HNMT: variants seen among roughly 807,000 people sequenced by gnomAD.
HNMT encodes the protein histamine N-methyltransferase.
Under a neutral mutation model 32.1 loss-of-function variants are expected in HNMT, and 30 were observed. The ratio of observed to expected loss-of-function variants is 0.93; its 90% confidence interval spans 0.70 to 1.27. The LOEUF (loss-of-function observed/expected upper bound fraction) is 1.27, where lower values mean the gene tolerates loss of function less well. Ranked by LOEUF, HNMT falls within the 50% of genes most tolerant of loss-of-function variation. The probability of loss-of-function intolerance (pLI) is 0.00; values close to 1 mark genes in which losing one functional copy is unlikely to be tolerated. For synonymous variants in HNMT, 125 were observed against 119.0 expected (o/e 1.05, Z -0.33); for missense variants, 327 against 346.0 (o/e 0.95, Z 0.43).
At chr2:138,001,157 T>TC in intron 3 of HNMT, 132 bp downstream of exon 3, 1 of 511,910 alleles carries the variant, frequency 2.0e-6, no homozygotes, top group Non-Finnish European at 3.5e-6. Context: ...AGAACTGAAT[T>TC]AGTTCTTGGC....
intron 2 of HNMT, among the ~76,000 whole-genome samples, chr2:137,983,185 C>T (rs1680554957): frequency 2.0e-5 from 3 of 152,126 alleles, no homozygotes. Flanking sequence ...AGACAGTTAA[C>T]AGTAGAATAC....
At chr2:137,974,793 G>A (rs1353273951) in intron 2 of HNMT, among the ~76,000 whole-genome samples, 1 of 152,084 alleles carries the variant, frequency 6.6e-6, no homozygotes, top group South Asian at 2.1e-4. Context: ...TACATTTATA[G>A]ATAAATTTTT....
chr2:138,005,377 G>T (rs1408257353), intron 5 of HNMT, 152 bp downstream of exon 5: 1 of 593,298 alleles, frequency 1.7e-6, no homozygotes, highest in Non-Finnish European at 3.0e-6. Flanking sequence ...CACAGTATTA[G>T]GGAAGTCATT....
intron 5 of HNMT, among the ~76,000 whole-genome samples, chr2:138,012,080 T>C (rs13422514): frequency 6.2e-4 from 95 of 152,278 alleles, no homozygotes; most frequent in African/African-American, 2.3e-3. Flanking sequence ...GCAGGCTTGC[T>C]TTTTTAGTCT....
intron 2 of HNMT, among the ~76,000 whole-genome samples, chr2:137,975,971 T>G (rs908709204): frequency 1.3e-5 from 2 of 152,152 alleles, no homozygotes; most frequent in Non-Finnish European, 2.9e-5. Context: ...CTTGGCTCAG[T>G]GTAAGAGCCT....
At chr2:137,984,697 T>A (rs561202930) in intron 2 of HNMT, among the ~76,000 whole-genome samples, 2 of 152,222 alleles carry the variant, frequency 1.3e-5, no homozygotes, top group Non-Finnish European at 2.9e-5. Context: ...TTTGAGGTAA[T>A]TAACTATATT....
intron 2 of HNMT, among the ~76,000 whole-genome samples, chr2:137,983,121 T>C (rs779077059): frequency 1.3e-5 from 2 of 152,192 alleles, no homozygotes; most frequent in Non-Finnish European, 2.9e-5. Context: ...TTGCTCATTA[T>C]AGAGAAAGTT....
chr2:138,010,766 G>T (rs572264731), intron 5 of HNMT, among the ~76,000 whole-genome samples: 21 of 152,036 alleles, frequency 1.4e-4, no homozygotes, highest in African/African-American at 4.6e-4. Flanking sequence ...AAAAAGAAGA[G>T]ATATAAGAAC....
chr2:137,999,922 A>T (rs1051182542), intron 2 of HNMT, among the ~76,000 whole-genome samples: 10 of 151,848 alleles, frequency 6.6e-5, no homozygotes, highest in Non-Finnish European at 2.9e-5. Context: ...TTCTAATAAA[A>T]AAAAAAAAGA....
intron 4 of HNMT, among the ~76,000 whole-genome samples, chr2:138,004,754 T>C (rs374363489): frequency 2.0e-5 from 3 of 152,202 alleles, no homozygotes; most frequent in East Asian, 3.9e-4. Context: ...GGTCTGTTTT[T>C]ATGGTGCCAG....
chr2:137,986,430 G>T (rs1385445496), intron 2 of HNMT, among the ~76,000 whole-genome samples: 2 of 152,074 alleles, frequency 1.3e-5, no homozygotes, highest in Non-Finnish European at 2.9e-5. Context: ...CTCAACAAAG[G>T]CTGATATTTC....
intron 2 of HNMT, among the ~76,000 whole-genome samples, chr2:137,975,674 T>C (rs1020128539): frequency 2.6e-5 from 4 of 152,104 alleles, no homozygotes; most frequent in African/African-American, 7.2e-5. Flanking sequence ...TGGATGGCAG[T>C]AGAATGAATG....
chr2:137,967,369 C>G, intron 1 of HNMT: 1 of 428,780 alleles, frequency 2.3e-6, no homozygotes, highest in Non-Finnish European at 4.1e-6. Flanking sequence ...AGACACTGCT[C>G]TCAGCCTGGA....
At chr2:138,006,843 A>T (rs188016110) in intron 5 of HNMT, among the ~76,000 whole-genome samples, 36 of 151,722 alleles carry the variant, frequency 2.4e-4, no homozygotes, top group African/African-American at 8.5e-4. Context: ...GTGGCTCATA[A>T]GTACCATCTG....
intron 2 of HNMT, among the ~76,000 whole-genome samples, chr2:137,970,933 A>AAAAAAGAAAGAAAG (rs1424481237): frequency 1.8e-4 from 16 of 86,684 alleles, no homozygotes; most frequent in African/African-American, 7.1e-4. Flanking sequence ...AAAAAAAAAA[A>AAAAAAGAAAGAAAG]AAAGAAAGAA....
chr2:137,997,809 G>C (rs897367172), intron 2 of HNMT, among the ~76,000 whole-genome samples: 3 of 152,146 alleles, frequency 2.0e-5, no homozygotes, highest in Non-Finnish European at 4.4e-5. Context: ...TAAAGAAAAT[G>C]TGCATATACA....
rs117977102 is a variant in HNMT, at chr2:138,013,220, T to C, written c.524-555T>C. Among the ~76,000 whole-genome samples, 91 of 152,190 alleles carry C rather than the reference T, an allele frequency of 6.0e-4. 2 individuals carry two copies. In the East Asian group the frequency reaches 0.017, roughly 28 times the overall value. On this transcript the variant is annotated intron_variant, in intron 5 of 5. Transcript: ENST00000280097. ...ACAATGCAGATATCGAACGTGTCCA[T>C]TGGTTCAGAAAATTCTATCAGACAG...
chr2:137,978,963 A>T (rs1318470125), intron 2 of HNMT, among the ~76,000 whole-genome samples: 2 of 140,814 alleles, frequency 1.4e-5, no homozygotes, highest in Admixed American at 7.3e-5. Flanking sequence ...TATTACATAT[A>T]ATAAGTAATA....
At chr2:137,967,585 G>A (rs2104920469) in intron 1 of HNMT, 1 of 153,248 alleles carries the variant, frequency 6.5e-6, no homozygotes, top group South Asian at 2.0e-4. Flanking sequence ...CCATTTTATG[G>A]GTACTCCCTG....
Sources: gnomAD v4.1 joint callset for allele counts (sites outside exome capture counted in the v4.1 genomes callset) on GRCh38, gnomAD v4.1.1 for gene constraint, MANE v1.5 for transcripts, NCBI Gene and HGNC (gene_info 2026-07-23, HGNC 2026-07-21) for gene names.